UBR3: variants seen among roughly 807,000 people sequenced by gnomAD.
The protein encoded by UBR3 is ubiquitin protein ligase E3 component n-recognin 3, also known as E3 ubiquitin-protein ligase UBR3.
Under a neutral mutation model 243.2 loss-of-function variants are expected in UBR3, and 85 were observed. The observed-to-expected ratio is 0.35, with a 90% confidence interval of 0.29 to 0.42. The LOEUF is 0.42. UBR3 is among the 10% of genes least tolerant of loss of function. The probability of loss-of-function intolerance (pLI) is 1.00; values close to 1 mark genes in which losing one functional copy is unlikely to be tolerated. For missense variants in UBR3, 1,686 were observed against 2,300.8 expected, an observed-to-expected ratio of 0.73 and a Z score of 5.47; for synonymous variants, 748 against 799.8, an observed-to-expected ratio of 0.94 and a Z score of 1.09.
At position 169,949,866 on chromosome 2, in the gene UBR3, G is replaced by C; in HGVS notation, c.3346G>C (p.Glu1116Gln). ...SYYPPWLDDI[E>Q]ILIQPEIPKY... The stretch of plus-strand genomic sequence containing the variant: ...CTATCCTCCTTGGCTTGATGACATA[G>C]AAATTTTAATCCAACCAGAAATTCC... Residue 1116 changes from glutamate to glutamine, a missense_variant, in exon 23 of 39, where the codon GAA becomes CAA. Physicochemically the swap from Glu to Gln is conservative, Grantham distance 29. Transcript: ENST00000272793. The C allele has an allele frequency of 6.3e-7, 1 of 1,597,844 alleles. No individual in the cohort carries two copies. Among genetic ancestry groups the C allele is most frequent in the Non-Finnish European group, 8.5e-7 (1 of 1,170,760 alleles).
At chr2:170,027,431 AC>A (rs2090559053) in intron 30 of UBR3, among the ~76,000 whole-genome samples, 1 of 151,672 alleles carries the variant, frequency 6.6e-6, no homozygotes, top group African/African-American at 2.4e-5. Context: ...TTTTCTACTA[AC>A]ATTTTGAAAG....
chr2:170,072,463 CCTAATG>C (rs2091720468), intron 35 of UBR3, among the ~76,000 whole-genome samples: 1 of 151,908 alleles, frequency 6.6e-6, no homozygotes, highest in Non-Finnish European at 1.5e-5. Context: ...AGGAGATATA[CCTAATG>C]CTAAATGACG....
Position 169,827,953 on chromosome 2 carries a change from T to C in UBR3, c.446T>C (p.Phe149Ser). The C allele has an allele frequency of 6.8e-7, 1 of 1,475,664 alleles. No individual in the cohort carries two copies. Among genetic ancestry groups the C allele is most frequent in the Admixed American group, 2.2e-5 (1 of 44,842 alleles). 91.4% of individuals were successfully genotyped at this position (1,475,664 alleles called of 1,614,324 possible). ...SPCMSLCAEC[F>S]HQGDHTGHDF... Reference sequence around the variant, plus strand: ...TGCATGTCGCTGTGCGCCGAGTGCTTCCACCAGGGCGACCACACCGGACAC... The same window carrying C: ...TGCATGTCGCTGTGCGCCGAGTGCTCCCACCAGGGCGACCACACCGGACAC... Residue 149 changes from phenylalanine (F) to serine (S), a missense_variant, in exon 1 of 39, where the codon TTC (phenylalanine) becomes TCC (serine). Around this residue, in one of 8 missense-constraint regions of UBR3, gnomAD observed 145 missense variants for 243.8 expected, o/e 0.59. Coordinates refer to ENST00000272793, the MANE Select transcript of UBR3 (RefSeq NM_172070.4).
chr2:169,895,173 A>C lies in UBR3; in HGVS notation c.1106-8A>C. On this transcript the variant is annotated splice_polypyrimidine_tract_variant and splice_region_variant and intron_variant, in intron 6 of 38. Transcript: ENST00000272793. ...CATTAACTGATAAATTTCATTTTTC[A>C]TGTGCAGATCAATCCATAATGGATG... The C allele has an allele frequency of 6.7e-7, 1 of 1,496,920 alleles. No homozygotes were observed. The highest frequency in any genetic ancestry group is 8.9e-7 in the Non-Finnish European group (1 of 1,128,614). The allele number at this position is 1,496,920 out of a possible 1,614,324, so 92.7% of individuals were successfully genotyped here.
chr2:169,995,831 C>G (rs930659932), intron 26 of UBR3, among the ~76,000 whole-genome samples: 5 of 152,084 alleles, frequency 3.3e-5, no homozygotes, highest in Admixed American at 6.6e-5. Flanking sequence ...GTAGCAGCAG[C>G]ATTGTTAACG....
intron 26 of UBR3, among the ~76,000 whole-genome samples, chr2:169,995,544 G>C (rs1157696560): frequency 1.3e-5 from 2 of 152,170 alleles, no homozygotes; most frequent in African/African-American, 4.8e-5. Context: ...TCTGCTTAAA[G>C]TCACAGTTTC....
At chr2:169,881,918 T>C (rs1574111995) in intron 5 of UBR3, among the ~76,000 whole-genome samples, 1 of 96,962 alleles carries the variant, frequency 1.0e-5, no homozygotes, top group East Asian at 2.9e-4. Flanking sequence ...TATGTATATG[T>C]ATACATGTAT....
intron 26 of UBR3, among the ~76,000 whole-genome samples, chr2:169,996,718 G>C (rs1404230295): frequency 1.9e-5 from 2 of 106,932 alleles, no homozygotes; most frequent in African/African-American, 7.3e-5. Context: ...TTTTTAGATA[G>C]AGTCTCACTC....
At chr2:170,049,081 C>T (rs2091156998) in intron 32 of UBR3, among the ~76,000 whole-genome samples, 1 of 152,138 alleles carries the variant, frequency 6.6e-6, no homozygotes, top group Non-Finnish European at 1.5e-5. Context: ...CACTTCCCAC[C>T]CCACTCCACC....
chr2:169,978,724 T>C (rs2088581883), intron 24 of UBR3, among the ~76,000 whole-genome samples: 1 of 151,970 alleles, frequency 6.6e-6, no homozygotes, highest in African/African-American at 2.4e-5. Context: ...CCTTGAGGGT[T>C]ATGGAGCAGC....
At chr2:170,040,848 A>G (rs370509513) in intron 31 of UBR3, 34 bp from the exon 32 acceptor site, 13 of 1,488,480 alleles carry the variant, frequency 8.7e-6, no homozygotes, top group Non-Finnish European at 1.1e-5. Flanking sequence ...GAAGATATAC[A>G]ATACTATGTA....
At chr2:169,934,504 GGGATT>G (rs1248855834) in intron 19 of UBR3, among the ~76,000 whole-genome samples, 3 of 152,062 alleles carry the variant, frequency 2.0e-5, no homozygotes, top group African/African-American at 7.2e-5. Flanking sequence ...CCAAAGTGTT[GGGATT>G]ACACACATGA....
intron 5 of UBR3, among the ~76,000 whole-genome samples, chr2:169,878,896 C>G (rs934421898): frequency 6.6e-6 from 1 of 152,070 alleles, no homozygotes; most frequent in Non-Finnish European, 1.5e-5. Context: ...CAAATTTACC[C>G]GTATAGTTGT....
intron 1 of UBR3, among the ~76,000 whole-genome samples, chr2:169,856,270 C>T (rs1447655187): frequency 1.4e-5 from 2 of 147,586 alleles, no homozygotes; most frequent in East Asian, 2.0e-4. Context: ...ATATCCCAGA[C>T]GATGGGCAGC....
chr2:169,882,253 TA>T (rs2083906636), intron 5 of UBR3, among the ~76,000 whole-genome samples: 1 of 136,058 alleles, frequency 7.3e-6, no homozygotes, highest in African/African-American at 2.7e-5. Context: ...TATATGTATA[TA>T]TATTTATATA....
rs373688406 is a variant in UBR3 at position 169,972,921 on chromosome 2, T to G, written c.3635-13724T>G. ...TGTTGGAAGTTCTGGCCAGGGCAAT[T>G]AGGCAGGAGAAGGAAATAAAGGGTA... On this transcript the variant is annotated intron_variant, in intron 24 of 38. Transcript: ENST00000272793. 6.9e-4 allele frequency among the ~76,000 whole-genome samples: 102 copies of G among 147,626 alleles called. 1 individual carries two copies. Among genetic ancestry groups the G allele is most frequent in the Middle Eastern group, 7.0e-3 (2 of 284 alleles).
chr2:169,925,735 TTACC>T lies in UBR3; in HGVS notation c.2141_2144del (p.Tyr714CysfsTer24). On this transcript the variant is annotated frameshift_variant, in exon 14 of 39. Coordinates refer to ENST00000272793, the MANE Select transcript of UBR3 (RefSeq NM_172070.4). LOFTEE classifies it high-confidence loss of function. ...GTAATTCCATGATTGATCCTGACAT[TTACC>T]TGTTACAGGTAAGCCAGCTAGATAA... 6.5e-7 allele frequency: 1 copy of T among 1,547,642 alleles called. No homozygotes were observed. The highest frequency in any genetic ancestry group is 8.7e-7 in the Non-Finnish European group (1 of 1,145,514).
chr2:169,968,995 T>C (rs2087957899), intron 24 of UBR3, among the ~76,000 whole-genome samples: 1 of 152,198 alleles, frequency 6.6e-6, no homozygotes, highest in Non-Finnish European at 1.5e-5. Context: ...TGTATGTCTT[T>C]TTTGAGAAAT....
intron 22 of UBR3, among the ~76,000 whole-genome samples, chr2:169,948,964 A>C (rs2086898214): frequency 6.6e-6 from 1 of 151,930 alleles, no homozygotes; most frequent in Non-Finnish European, 1.5e-5. Flanking sequence ...CAAACCAAAA[A>C]CAAATCAAAA....
Sources: allele counts gnomAD v4.1 joint callset (sites outside exome capture counted in the v4.1 genomes callset), GRCh38; gene constraint gnomAD v4.1.1; regional missense constraint gnomAD v4.1.1; transcripts MANE v1.5; gene names NCBI Gene and HGNC (gene_info 2026-07-23, HGNC 2026-07-21).